PCDH9: variants seen among roughly 807,000 people sequenced by gnomAD.
PCDH9 encodes the protein protocadherin 9.
PCDH9 carries 24 observed loss-of-function variants against 70.6 expected under a neutral mutation model. The observed-to-expected ratio is 0.34, with a 90% CI of 0.25 to 0.48. The LOEUF (loss-of-function observed/expected upper bound fraction) is 0.48, where lower values mean the gene tolerates loss of function less well. PCDH9 is among the 20% of genes least tolerant of loss of function. The pLI, the probability that PCDH9 is intolerant of heterozygous loss-of-function variation, is 0.99. For synonymous variants in PCDH9, 562 were observed against 558.5 expected, an observed-to-expected ratio of 1.01 and a Z score of -0.09; for missense variants, 1,281 against 1,503.6, an observed-to-expected ratio of 0.85 and a Z score of 2.45.
intron 2 of PCDH9, among the ~76,000 whole-genome samples, chr13:67,182,448 TATCTTAGTCCA>T (rs2088642388): frequency 2.0e-5 from 3 of 152,132 alleles, no homozygotes; most frequent in Non-Finnish European, 4.4e-5. Context: ...TTTTTCGCTA[TATCTTAGTCCA>T]AACTATCATT....
chr13:66,421,409 GT>G (rs1189063471), intron 4 of PCDH9, among the ~76,000 whole-genome samples: 1 of 152,188 alleles, frequency 6.6e-6, no homozygotes, highest in African/African-American at 2.4e-5. Flanking sequence ...AGGAAAAAAT[GT>G]TAAGGGCAGC....
chr13:67,037,574 A>G (rs1466843267), intron 2 of PCDH9, among the ~76,000 whole-genome samples: 1 of 152,206 alleles, frequency 6.6e-6, no homozygotes, highest in Non-Finnish European at 1.5e-5. Flanking sequence ...ATCTACAAGT[A>G]CTATCTTTCA....
At chr13:66,869,611 T>C (rs1276510636) in intron 3 of PCDH9, among the ~76,000 whole-genome samples, 1 of 152,176 alleles carries the variant, frequency 6.6e-6, no homozygotes, top group African/African-American at 2.4e-5. Context: ...ATAATATTGA[T>C]GCAAAAATCT....
At chr13:66,797,049 A>G (rs1252569034) in intron 3 of PCDH9, among the ~76,000 whole-genome samples, 1 of 152,144 alleles carries the variant, frequency 6.6e-6, no homozygotes, top group African/African-American at 2.4e-5. Flanking sequence ...GAGCTAGTTC[A>G]TAGGTTGAGA....
chr13:66,427,831 A>G (rs764752468), intron 4 of PCDH9, among the ~76,000 whole-genome samples: 3 of 151,724 alleles, frequency 2.0e-5, no homozygotes, highest in Non-Finnish European at 4.4e-5. Flanking sequence ...AACTCACAGT[A>G]AAGTGTTCGG....
At chr13:66,427,911 G>A (rs1957701165) in intron 4 of PCDH9, among the ~76,000 whole-genome samples, 1 of 151,652 alleles carries the variant, frequency 6.6e-6, no homozygotes, top group South Asian at 2.1e-4. Flanking sequence ...AAATAAAAAT[G>A]CTGATAATTG....
At chr13:66,554,725 T>C (rs1236987316) in intron 4 of PCDH9, among the ~76,000 whole-genome samples, 1 of 152,074 alleles carries the variant, frequency 6.6e-6, no homozygotes, top group East Asian at 1.9e-4. Context: ...AAGAAAGAGA[T>C]ACTAAAGATT....
intron 3 of PCDH9, among the ~76,000 whole-genome samples, chr13:66,684,691 T>C (rs1055122245): frequency 6.6e-6 from 1 of 152,190 alleles, no homozygotes; most frequent in Non-Finnish European, 1.5e-5. Flanking sequence ...TAAAGCTCTT[T>C]CCTTTATAAA....
chr13:66,534,194 A>T (rs1286059767), intron 4 of PCDH9, among the ~76,000 whole-genome samples: 1 of 151,870 alleles, frequency 6.6e-6, no homozygotes, highest in African/African-American at 2.4e-5. Context: ...AAGTCAGGAA[A>T]TTTTTTTGTA....
At chr13:67,025,877 A>C (rs2084770486) in intron 2 of PCDH9, among the ~76,000 whole-genome samples, 1 of 152,184 alleles carries the variant, frequency 6.6e-6, no homozygotes, top group Non-Finnish European at 1.5e-5. Flanking sequence ...ATATTTATAT[A>C]TCATTTATGC....
chr13:66,751,215 T>A (rs565358824), intron 3 of PCDH9, among the ~76,000 whole-genome samples: 20 of 151,926 alleles, frequency 1.3e-4, no homozygotes, highest in Non-Finnish European at 2.2e-4. Flanking sequence ...TTGATCAAAT[T>A]TTTTTTTTCA....
rs950782470 is a variant in PCDH9, at chr13:66,865,148, A to C, written c.3138+38356T>G. ...CTTTTCCAAAAGATACTGTCTAAATAGTTTGGAAACATGGCCAAAAATTTT... is the reference window on the plus strand; with the variant it reads ...CTTTTCCAAAAGATACTGTCTAAATCGTTTGGAAACATGGCCAAAAATTTT... On this transcript the variant is annotated intron_variant, in intron 3 of 4. Coordinates refer to ENST00000377865, the MANE Select transcript of PCDH9 (RefSeq NM_203487.3). Among the ~76,000 whole-genome samples, 4 of 152,332 alleles carry C rather than the reference A, an allele frequency of 2.6e-5. 1 individual carries two copies. Among genetic ancestry groups the C allele is most frequent in the South Asian group, 4.1e-4 (2 of 4,834 alleles).
At chr13:67,064,510 A>G (rs570583519) in intron 2 of PCDH9, among the ~76,000 whole-genome samples, 4 of 152,324 alleles carry the variant, frequency 2.6e-5, no homozygotes, top group African/African-American at 9.6e-5. Flanking sequence ...TTATCATATC[A>G]AATGCATTAA....
At chr13:66,594,330 T>C (rs2077075302) in intron 4 of PCDH9, among the ~76,000 whole-genome samples, 1 of 151,720 alleles carries the variant, frequency 6.6e-6, no homozygotes, top group Non-Finnish European at 1.5e-5. Flanking sequence ...GGAAAATTTC[T>C]GTGAAAGAAA....
At chr13:66,441,276 A>T (rs1484414647) in intron 4 of PCDH9, among the ~76,000 whole-genome samples, 1 of 152,180 alleles carries the variant, frequency 6.6e-6, no homozygotes, top group African/African-American at 2.4e-5. Flanking sequence ...ACAAGTCTGA[A>T]TATCACCAGT....
At chr13:67,213,357 A>G (rs1420790511) in intron 2 of PCDH9, 2 of 151,960 alleles carry the variant, frequency 1.3e-5, no homozygotes, top group East Asian at 3.9e-4. Context: ...ACATGTATAC[A>G]TACTTGATGC....
intron 3 of PCDH9, among the ~76,000 whole-genome samples, chr13:66,747,570 A>G (rs987539679): frequency 6.6e-6 from 1 of 152,176 alleles, no homozygotes; most frequent in Admixed American, 6.5e-5. Flanking sequence ...CTGCAAAATA[A>G]ATTAAGAATA....
At chr13:66,452,498 T>C (rs1958233923) in intron 4 of PCDH9, among the ~76,000 whole-genome samples, 2 of 152,160 alleles carry the variant, frequency 1.3e-5, no homozygotes, top group African/African-American at 4.8e-5. Flanking sequence ...TTGAAGATCC[T>C]TTCTTTTGAG....
chr13:67,075,289 G>A (rs991225101), intron 2 of PCDH9, among the ~76,000 whole-genome samples: 1 of 151,964 alleles, frequency 6.6e-6, no homozygotes, highest in African/African-American at 2.4e-5. Flanking sequence ...TATTGAAGAT[G>A]CATAAAGGGG....
Sources: allele counts gnomAD v4.1 joint callset (sites outside exome capture counted in the v4.1 genomes callset), GRCh38; gene constraint gnomAD v4.1.1; transcripts MANE v1.5; gene names NCBI Gene and HGNC (gene_info 2026-07-23, HGNC 2026-07-21).